Variants in LRP1B observed in about 807,000 individuals in gnomAD.
The protein encoded by LRP1B is LDL receptor related protein 1B.
LRP1B carries 217 observed loss-of-function variants against 556.6 expected under a neutral mutation model. That is an observed-to-expected ratio of 0.39 (90% CI 0.35 to 0.44). The LOEUF (loss-of-function observed/expected upper bound fraction) is 0.44, where lower values mean the gene tolerates loss of function less well. LRP1B is among the 20% of genes least tolerant of loss of function. The probability of loss-of-function intolerance (pLI) is 1.00; values close to 1 mark genes in which losing one functional copy is unlikely to be tolerated. For synonymous variants in LRP1B, 2,047 were observed against 1,865.8 expected (o/e 1.10, Z -2.50); for missense variants, 5,053 against 5,620.8 (o/e 0.90, Z 3.23).
chr2:141,133,394 A>G (rs1191862411), intron 7 of LRP1B, among the ~76,000 whole-genome samples: 1 of 151,668 alleles, frequency 6.6e-6, no homozygotes, highest in African/African-American at 2.4e-5. Flanking sequence ...TTCTAATAAT[A>G]AGATCCTAAC....
At chr2:142,019,435 G>A (rs567593934) in intron 1 of LRP1B, among the ~76,000 whole-genome samples, 20 of 152,150 alleles carry the variant, frequency 1.3e-4, no homozygotes, top group East Asian at 1.9e-4. Flanking sequence ...CTTATCTGCC[G>A]TTTCTGCTCA....
chr2:140,842,317 A>G (rs949539102), intron 29 of LRP1B, among the ~76,000 whole-genome samples: 9 of 152,222 alleles, frequency 5.9e-5, no homozygotes, highest in Admixed American at 5.2e-4. Flanking sequence ...CTTAAAGTGC[A>G]GTATTTGAAT....
intron 2 of LRP1B, among the ~76,000 whole-genome samples, chr2:141,773,543 T>G (rs1018774350): frequency 1.3e-5 from 2 of 152,214 alleles, no homozygotes; most frequent in African/African-American, 4.8e-5. Context: ...CCTAAGGACA[T>G]CTGTGGAATG....
chr2:140,460,202 T>C (rs1169078318), intron 60 of LRP1B, among the ~76,000 whole-genome samples: 1 of 152,174 alleles, frequency 6.6e-6, no homozygotes, highest in Non-Finnish European at 1.5e-5. Flanking sequence ...GAGTGTGCTC[T>C]CTGGCCATGT....
intron 1 of LRP1B, among the ~76,000 whole-genome samples, chr2:141,956,296 G>A (rs1166187288): frequency 1.3e-5 from 2 of 152,052 alleles, no homozygotes; most frequent in African/African-American, 2.4e-5. Context: ...CAAAATTAAT[G>A]TTTGTTGTAT....
Position 141,554,467 on chromosome 2 carries a change from T to C in LRP1B, c.206-73934A>G, listed in dbSNP as rs1685888616. Among the ~76,000 whole-genome samples the C allele has an allele frequency of 2.0e-5, 3 of 151,404 alleles. No homozygotes were observed. In the Admixed American group the frequency reaches 2.0e-4, roughly 10 times the overall value. ...ACTTCTGTAAAAAGTAAGAAACTGT[T>C]AACAATTGTTTTCTTGAAGAATGAA... On this transcript the variant is annotated intron_variant, in intron 2 of 90. Coordinates refer to ENST00000389484, the MANE Select transcript of LRP1B (RefSeq NM_018557.3).
rs1207724663 is a variant in LRP1B, at chr2:141,035,705, C to A, written c.1789+13281G>T. On this transcript the variant is annotated intron_variant, in intron 11 of 90. Transcript: ENST00000389484. ...TAATATAACACATAAACCAATTTTT[C>A]TTTTTATACAGTGAAAACTCCCACT... Among the ~76,000 whole-genome samples, 4 of 151,952 alleles carry A rather than the reference C, an allele frequency of 2.6e-5. 1 individual carries two copies. The highest frequency in any genetic ancestry group is 9.7e-5 in the African/African-American group (4 of 41,406).
intron 32 of LRP1B, among the ~76,000 whole-genome samples, chr2:140,800,732 T>C (rs895817535): frequency 5.3e-5 from 8 of 152,150 alleles, no homozygotes; most frequent in Non-Finnish European, 1.2e-4. Context: ...TTTGTTTTCC[T>C]TCCATTAAGC....
chr2:142,015,981 G>C (rs1032610413), intron 1 of LRP1B, among the ~76,000 whole-genome samples: 2 of 22,012 alleles, frequency 9.1e-5, no homozygotes, highest in African/African-American at 2.4e-4. Context: ...AACAGCGCGA[G>C]ACTCCATCTC....
At chr2:140,997,519 C>T (rs1392196340) in intron 15 of LRP1B, among the ~76,000 whole-genome samples, 1 of 151,792 alleles carries the variant, frequency 6.6e-6, no homozygotes, top group Non-Finnish European at 1.5e-5. Flanking sequence ...TTTGCTTTTT[C>T]TCTTTTCAAA....
chr2:141,894,333 C>T (rs910909544), intron 1 of LRP1B, among the ~76,000 whole-genome samples: 5 of 152,012 alleles, frequency 3.3e-5, no homozygotes, highest in African/African-American at 1.2e-4. Context: ...ATTTTCCCTC[C>T]CTCCCTCCTT....
intron 3 of LRP1B, among the ~76,000 whole-genome samples, chr2:141,280,539 G>T (rs1558978590): frequency 6.6e-6 from 1 of 151,754 alleles, no homozygotes; most frequent in Admixed American, 6.6e-5. Flanking sequence ...AATTACTTTT[G>T]CAACAACTTA....
At chr2:140,378,355 A>T (rs1683327136) in intron 67 of LRP1B, 69 bp from the exon 68 acceptor site, 4 of 806,166 alleles carry the variant, frequency 5.0e-6, no homozygotes, top group Non-Finnish European at 8.3e-6. Context: ...TATATGACAT[A>T]TGACATGAGG....
intron 43 of LRP1B, among the ~76,000 whole-genome samples, chr2:140,594,098 C>A (rs2105175082): frequency 6.6e-6 from 1 of 152,146 alleles, no homozygotes; most frequent in African/African-American, 2.4e-5. Context: ...CTGCCTCAGC[C>A]TCCCGAGTAG....
intron 41 of LRP1B, among the ~76,000 whole-genome samples, chr2:140,657,610 T>TATGC (rs1684932713): frequency 7.4e-6 from 1 of 135,942 alleles, no homozygotes; most frequent in Admixed American, 7.6e-5. Flanking sequence ...TATACATATA[T>TATGC]ATACATACAT....
chr2:141,575,087 C>G (rs1686682795), intron 2 of LRP1B, among the ~76,000 whole-genome samples: 1 of 151,386 alleles, frequency 6.6e-6, no homozygotes, highest in African/African-American at 2.4e-5. Flanking sequence ...ACATTCTTCA[C>G]AGAATTTGGA....
At chr2:140,995,410 C>A (rs991836953) in intron 15 of LRP1B, among the ~76,000 whole-genome samples, 2 of 151,990 alleles carry the variant, frequency 1.3e-5, no homozygotes, top group Non-Finnish European at 2.9e-5. Flanking sequence ...TGACTTTTAA[C>A]AACTAAGAAC....
chr2:141,661,127 C>T (rs1690207149), intron 2 of LRP1B, among the ~76,000 whole-genome samples: 1 of 152,104 alleles, frequency 6.6e-6, no homozygotes, highest in South Asian at 2.1e-4. Flanking sequence ...CAGAAAGCAA[C>T]AACAACAGCA....
intron 37 of LRP1B, among the ~76,000 whole-genome samples, chr2:140,708,453 G>A (rs77133629): frequency 0.036 from 5,518 of 151,438 alleles, 158 homozygotes; most frequent in Non-Finnish European, 0.053. Flanking sequence ...TGTATGAAGA[G>A]CACACACTGG....
Sources: allele counts gnomAD v4.1 joint callset (sites outside exome capture counted in the v4.1 genomes callset), GRCh38; gene constraint gnomAD v4.1.1; transcripts MANE v1.5; gene names NCBI Gene and HGNC (gene_info 2026-07-23, HGNC 2026-07-21).